Variants in MAML2 observed in about 807,000 individuals in gnomAD.
MAML2 encodes mastermind like transcriptional coactivator 2.
MAML2 carries 22 observed loss-of-function variants against 96.1 expected under a neutral mutation model. The ratio of observed to expected loss-of-function variants is 0.23; its 90% CI spans 0.16 to 0.33. MAML2 has a LOEUF of 0.33. MAML2 is among the 10% of genes least tolerant of loss of function. The pLI is 1.00. For missense variants in MAML2, 1,367 were observed against 1,392.4 expected (o/e 0.98, Z 0.29); for synonymous variants, 561 against 521.3 (o/e 1.08, Z -1.04).
intron 3 of MAML2, among the ~76,000 whole-genome samples, chr11:95,988,441 G>C (rs1156553588): frequency 6.7e-6 from 1 of 148,824 alleles, no homozygotes; most frequent in Non-Finnish European, 1.5e-5. Context: ...TATTTTTTTA[G>C]TAGAGACGGA....
At chr11:96,296,831 C>T (rs1482433395) in intron 1 of MAML2, among the ~76,000 whole-genome samples, 1 of 152,126 alleles carries the variant, frequency 6.6e-6, no homozygotes, top group African/African-American at 2.4e-5. Context: ...TCCTAGATAT[C>T]TGAATTGGAC....
chr11:96,065,162 A>T (rs1423488764), intron 2 of MAML2, among the ~76,000 whole-genome samples: 1 of 152,252 alleles, frequency 6.6e-6, no homozygotes, highest in Non-Finnish European at 1.5e-5. Flanking sequence ...GATAGATTTT[A>T]AAATGCTTAA....
At chr11:96,140,847 C>G (rs1032779910) in intron 1 of MAML2, among the ~76,000 whole-genome samples, 4 of 152,144 alleles carry the variant, frequency 2.6e-5, no homozygotes, top group African/African-American at 9.7e-5. Context: ...TATTCCATCA[C>G]GGGCCATGCT....
chr11:96,004,780 T>A (rs1305868834), intron 2 of MAML2, among the ~76,000 whole-genome samples: 3 of 152,214 alleles, frequency 2.0e-5, no homozygotes, highest in Admixed American at 2.0e-4. Context: ...ATGGCTTGAA[T>A]AAGATCATGT....
chr11:96,078,232 C>T (rs1007094698), intron 2 of MAML2, among the ~76,000 whole-genome samples: 1 of 152,172 alleles, frequency 6.6e-6, no homozygotes, highest in Admixed American at 6.5e-5. Flanking sequence ...CCATGCCTGG[C>T]TCAATCAGTG....
At chr11:96,089,780 T>A (rs561981701) in intron 2 of MAML2, among the ~76,000 whole-genome samples, 37 of 152,128 alleles carry the variant, frequency 2.4e-4, no homozygotes, top group African/African-American at 8.4e-4. Context: ...AAGCTTTAAA[T>A]GGGTGGCTAC....
In MAML2 at chr11:96,092,578, A is replaced by G; in HGVS notation, c.1453T>C (p.Phe485Leu). 2 of 1,608,208 alleles carry G rather than the reference A, an allele frequency of 1.2e-6. No individual in the cohort carries two copies. Among genetic ancestry groups the G allele is most frequent in the Non-Finnish European group, 1.7e-6 (2 of 1,175,628 alleles). ...TGTGGGCTGAATGTCTGCTGACCAA[A>G]AGAAGGGCTGGGGATTTTCTCCTGC... ...FGQEKIPSPS[F>L]GQQTFSPQSS... The change falls in exon 2 of 5, where the codon TTT (phenylalanine) becomes CTT (leucine). Residue 485 changes from phenylalanine to leucine, a missense_variant. Phe to Leu is a conservative substitution (Grantham distance 22). Transcript: ENST00000524717. The surrounding 1 kb of genome is among the most constrained non-coding windows in gnomAD (Gnocchi z 4.1).
chr11:96,001,938 T>C (rs562359720), intron 2 of MAML2, among the ~76,000 whole-genome samples: 1 of 152,260 alleles, frequency 6.6e-6, no homozygotes, highest in African/African-American at 2.4e-5. Flanking sequence ...TTGTAAATGG[T>C]CATATCCTCT....
chr11:96,131,016 C>G (rs1056410999), intron 1 of MAML2, among the ~76,000 whole-genome samples: 4 of 152,006 alleles, frequency 2.6e-5, no homozygotes, highest in African/African-American at 9.7e-5. Context: ...AATTTCATAA[C>G]AGAGCTATAC....
At chr11:95,993,066 A>AG (rs1462489061) in intron 2 of MAML2, among the ~76,000 whole-genome samples, 1 of 151,184 alleles carries the variant, frequency 6.6e-6, no homozygotes, top group African/African-American at 2.4e-5. Flanking sequence ...TTTTAGAGAC[A>AG]GGGTGGCTAA....
At chr11:96,138,630 T>A (rs770459020) in intron 1 of MAML2, among the ~76,000 whole-genome samples, 1 of 148,998 alleles carries the variant, frequency 6.7e-6, no homozygotes, top group Non-Finnish European at 1.5e-5. Flanking sequence ...GATGGGGGGG[T>A]TGGTGAATAA....
At chr11:96,320,034 T>G (rs1210321176) in intron 1 of MAML2, among the ~76,000 whole-genome samples, 1 of 152,240 alleles carries the variant, frequency 6.6e-6, no homozygotes, top group Non-Finnish European at 1.5e-5. Flanking sequence ...ACCAGCTCAT[T>G]CTGCAGAAGC....
intron 1 of MAML2, among the ~76,000 whole-genome samples, chr11:96,295,984 C>T (rs1002110913): frequency 2.1e-5 from 3 of 141,272 alleles, no homozygotes; most frequent in African/African-American, 5.3e-5. Flanking sequence ...ACACACGAAA[C>T]TAATGTTTCA....
At chr11:96,318,486 C>G (rs1182671974) in intron 1 of MAML2, among the ~76,000 whole-genome samples, 2 of 152,076 alleles carry the variant, frequency 1.3e-5, no homozygotes, top group Non-Finnish European at 2.9e-5. Context: ...TATATTGTTG[C>G]TACATTTTTC....
intron 1 of MAML2, among the ~76,000 whole-genome samples, chr11:96,198,788 T>C (rs1266115239): frequency 6.6e-6 from 1 of 152,074 alleles, no homozygotes; most frequent in African/African-American, 2.4e-5. Context: ...GCTGGTCACA[T>C]AACCACCCAA....
At chr11:96,046,044 T>G (rs1051464958) in intron 2 of MAML2, among the ~76,000 whole-genome samples, 1 of 152,176 alleles carries the variant, frequency 6.6e-6, no homozygotes, top group Admixed American at 6.5e-5. Context: ...TTCTTTCTCC[T>G]TCTCCTTCAC....
chr11:96,102,299 A>G (rs1390572130), intron 1 of MAML2, among the ~76,000 whole-genome samples: 2 of 152,188 alleles, frequency 1.3e-5, no homozygotes, highest in African/African-American at 4.8e-5. Context: ...AAACAACAAC[A>G]ACAAAAACCA....
intron 1 of MAML2, among the ~76,000 whole-genome samples, chr11:96,172,284 T>A (rs1306569545): frequency 6.6e-6 from 1 of 152,228 alleles, no homozygotes; most frequent in East Asian, 1.9e-4. Context: ...AGCTTATGGC[T>A]CATCAGCAAA....
rs551216142 is a variant in MAML2, at chr11:96,324,380, T to C, written c.513+17003A>G. ...CCAAACATGATAAACGCTTAATACA[T>C]GTTATTTTTTTTAATGTGTTGAACC... is the stretch of plus-strand genomic sequence containing the variant. On this transcript the variant is annotated intron_variant, in intron 1 of 4. Coordinates refer to ENST00000524717, the MANE Select transcript of MAML2 (RefSeq NM_032427.4). 1.9e-4 allele frequency among the ~76,000 whole-genome samples: 29 copies of C among 152,346 alleles called. 1 individual carries two copies. The South Asian group carries it at 5.4e-3, about 28-fold the overall frequency.
Sources: gnomAD v4.1 joint callset for allele counts (sites outside exome capture counted in the v4.1 genomes callset) on GRCh38, gnomAD v4.1.1 for gene constraint, Gnocchi (gnomAD v3.1) non-coding constraint, MANE v1.5 for transcripts, NCBI Gene and HGNC (gene_info 2026-07-23, HGNC 2026-07-21) for gene names.